Variants in ANKRA2 observed in about 807,000 individuals in gnomAD.
The protein encoded by ANKRA2 is ankyrin repeat family A member 2.
In ANKRA2, 33 loss-of-function variants were observed where a neutral mutation model predicts 37.8. The ratio of observed to expected loss-of-function variants is 0.87; its 90% CI spans 0.66 to 1.17. The LOEUF is 1.17. Ranked by LOEUF, ANKRA2 falls within the 50% of genes most tolerant of loss-of-function variation. The pLI, the probability that ANKRA2 is intolerant of heterozygous loss-of-function variation, is 0.00. For synonymous variants in ANKRA2, 126 were observed against 132.3 expected, an observed-to-expected ratio of 0.95 and a Z score of 0.33; for missense variants, 326 against 373.7, an observed-to-expected ratio of 0.87 and a Z score of 1.05.
In ANKRA2 at chr5:73,552,779, A is replaced by G. The variant is rs905928594; in HGVS notation, c.*18T>C. The G allele has an allele frequency of 5.0e-6, 8 of 1,589,430 alleles. No individual in the cohort carries two copies. Among genetic ancestry groups the G allele is most frequent in the Non-Finnish European group, 6.9e-6 (8 of 1,160,702 alleles). ...CCAAGAAGTAAACAAAAGGGCAGAC[A>G]TTTTCTGATGACTGTGTCTACTCCT... On this transcript the variant is annotated 3_prime_UTR_variant, in exon 9 of 9. Coordinates refer to ENST00000296785, the MANE Select transcript of ANKRA2 (RefSeq NM_023039.5).
intron 2 of ANKRA2, among the ~76,000 whole-genome samples, chr5:73,561,991 T>C (rs558974698): frequency 2.0e-4 from 30 of 152,200 alleles, no homozygotes; most frequent in Non-Finnish European, 3.5e-4. Context: ...CGCTAATTCA[T>C]CTCTAAAAGG....
Position 73,555,527 on chromosome 5 carries a change from T to C in ANKRA2, c.573A>G (p.Ala191=). The part of the protein sequence containing the change: ...EGFTPLMWAA[A]HGQIAVVEFL... ...ACTCTACCACAGCTATTTGCCCGTG[T>C]GCTGCAGCCCACATCAGAGGAGTAA... Residue 191 remains alanine (A), a synonymous_variant, in exon 5 of 9, where the codon GCA becomes GCG. Coordinates refer to ENST00000296785, the MANE Select transcript of ANKRA2 (RefSeq NM_023039.5). The C allele has an allele frequency of 6.2e-7, 1 of 1,614,042 alleles. No homozygotes were observed. Among genetic ancestry groups the C allele is most frequent in the Non-Finnish European group, 8.5e-7 (1 of 1,179,912 alleles).
chr5:73,559,540 T>C (rs893988294), intron 3 of ANKRA2, among the ~76,000 whole-genome samples: 1 of 152,166 alleles, frequency 6.6e-6, no homozygotes, highest in Non-Finnish European at 1.5e-5. Context: ...AAATCATTTA[T>C]TGATCAGTGA....
intron 4 of ANKRA2, among the ~76,000 whole-genome samples, chr5:73,557,196 A>G (rs952236065): frequency 1.3e-5 from 2 of 151,758 alleles, no homozygotes; most frequent in South Asian, 2.1e-4. Flanking sequence ...ACGTGCTTAT[A>G]TGGAAAGCTC....
chr5:73,563,969 G>C (rs1747630943), intron 1 of ANKRA2, among the ~76,000 whole-genome samples: 2 of 151,946 alleles, frequency 1.3e-5, no homozygotes, highest in South Asian at 4.1e-4. Flanking sequence ...CCACCTAGGA[G>C]GGGTAAAAAA....
chr5:73,560,712 A>C (rs1022307866), intron 3 of ANKRA2, among the ~76,000 whole-genome samples: 1 of 151,960 alleles, frequency 6.6e-6, no homozygotes, highest in East Asian at 1.9e-4. Context: ...TATTATAGTC[A>C]CCATTGTGTA....
rs1197531674 is a variant in ANKRA2 at position 73,554,327 on chromosome 5, A to G, written c.800T>C (p.Leu267Pro). Reference sequence around the variant, plus strand: ...CTAAATTTTTATCTGCTTACCTAAGAGCATCTTTACACATTTCACATGATT... The same window carrying G: ...CTAAATTTTTATCTGCTTACCTAAGGGCATCTTTACACATTTCACATGATT... ...HGNHVKCVKM[L>P]LESGADPTIE... The change falls in exon 7 of 9, where the codon CTC becomes CCC. Residue 267 changes from leucine (L) to proline (P), a missense_variant. Coordinates refer to ENST00000296785, the MANE Select transcript of ANKRA2 (RefSeq NM_023039.5). 3 of 1,613,368 alleles carry G rather than the reference A, an allele frequency of 1.9e-6. No homozygotes were observed. Among genetic ancestry groups the G allele is most frequent in the Non-Finnish European group, 2.5e-6 (3 of 1,179,654 alleles).
rs1291075053 is a variant in ANKRA2 at position 73,561,228 on chromosome 5, G to C, written c.350C>G (p.Pro117Arg). Residue 117 changes from proline (P) to arginine (R), a missense_variant, in exon 3 of 9, where the codon CCC (proline) becomes CGC (arginine). Around this residue, in one of 3 missense-constraint regions of ANKRA2, gnomAD observed 228 missense variants for 260.2 expected, o/e 0.88. Coordinates refer to ENST00000296785, the MANE Select transcript of ANKRA2 (RefSeq NM_023039.5). ...GGGTGAGAAATGCTTTGTTGTAGAG[G>C]GGGTGTAGACATGCCTTACTTGAAT... ...PGIQVRHVYT[P>R]STTKHFSPIK... The C allele has an allele frequency of 1.2e-6, 2 of 1,613,148 alleles. No homozygotes were observed. Among genetic ancestry groups the C allele is most frequent in the East Asian group, 4.5e-5 (2 of 44,858 alleles).
chr5:73,561,273 T>A lies in ANKRA2; in HGVS notation c.305A>T (p.His102Leu). The A allele has an allele frequency of 1.2e-6, 2 of 1,612,908 alleles. No homozygotes were observed. Among genetic ancestry groups the A allele is most frequent in the Non-Finnish European group, 1.7e-6 (2 of 1,179,146 alleles). ...SVLFKAECNI[H>L]TSPSPGIQVR... ...TTGAATTCCCGGAGAAGGAGATGTATGGATATTGCATTCAGCTAAGTGAAA... is the reference window on the plus strand; with the variant it reads ...TTGAATTCCCGGAGAAGGAGATGTAAGGATATTGCATTCAGCTAAGTGAAA... Residue 102 changes from histidine (H) to leucine (L), a missense_variant, in exon 3 of 9, where the codon CAT becomes CTT. His to Leu is a moderately conservative substitution (Grantham distance 99). Around this residue, in one of 3 missense-constraint regions of ANKRA2, gnomAD observed 228 missense variants for 260.2 expected, o/e 0.88. Transcript: ENST00000296785.
chr5:73,557,836 G>A (rs1450034255), intron 3 of ANKRA2, among the ~76,000 whole-genome samples, 196 bp from the exon 4 acceptor site: 2 of 152,186 alleles, frequency 1.3e-5, no homozygotes, highest in Non-Finnish European at 2.9e-5. Flanking sequence ...CAGCACTTTG[G>A]GAGGCAGAGG....
intron 1 of ANKRA2, among the ~76,000 whole-genome samples, chr5:73,563,335 C>A (rs1199191526): frequency 3.3e-5 from 5 of 152,212 alleles, no homozygotes. Flanking sequence ...ACTGTTTCTC[C>A]CATTTCCTAT....
chr5:73,556,893 G>A (rs1412237639), intron 4 of ANKRA2, among the ~76,000 whole-genome samples: 1 of 151,420 alleles, frequency 6.6e-6, no homozygotes, highest in Non-Finnish European at 1.5e-5. Context: ...CTAATATCCT[G>A]TATCAGTGAG....
chr5:73,552,683 C>A lies in ANKRA2; in HGVS notation c.*114G>T. ...TACTCAGAGAAATATTTATTAAAACCTACTAAAAACCAGTAAATATTGCAA... is the reference window on the plus strand; with the variant it reads ...TACTCAGAGAAATATTTATTAAAACATACTAAAAACCAGTAAATATTGCAA... On this transcript the variant is annotated 3_prime_UTR_variant, in exon 9 of 9. Coordinates refer to ENST00000296785, the MANE Select transcript of ANKRA2 (RefSeq NM_023039.5). The A allele has an allele frequency of 1.1e-6, 1 of 870,604 alleles. No homozygotes were observed. The highest frequency in any genetic ancestry group is 1.6e-5 in the South Asian group (1 of 63,480). The allele number at this position is 870,604 out of a possible 1,614,324, so 53.9% of individuals were successfully genotyped here. A position where few individuals can be genotyped will look rare whatever the true frequency, so the allele number is the denominator to read the frequency against.
chr5:73,555,719 T>C (rs1198008274), intron 4 of ANKRA2, 134 bp from the exon 5 acceptor site: 3 of 727,328 alleles, frequency 4.1e-6, no homozygotes, highest in South Asian at 3.5e-5. Context: ...TATGTTGGTG[T>C]CCTATTTATT....
intron 1 of ANKRA2, among the ~76,000 whole-genome samples, chr5:73,563,532 A>C (rs1747613066): frequency 6.6e-6 from 1 of 152,248 alleles, no homozygotes; most frequent in Non-Finnish European, 1.5e-5. Context: ...TGTGATTCCT[A>C]GACCATGAAA....
rs1257046772 is a variant in ANKRA2, at chr5:73,555,523, C to T, written c.577G>A (p.Gly193Arg). Residue 193 changes from glycine to arginine, a missense_variant, in exon 5 of 9, where the codon GGG becomes AGG. Transcript: ENST00000296785. The stretch of plus-strand genomic sequence containing the variant: ...AGGAACTCTACCACAGCTATTTGCC[C>T]GTGTGCTGCAGCCCACATCAGAGGA... ...FTPLMWAAAH[G>R]QIAVVEFLLQ... is the part of the protein sequence containing the mutation. 1.4e-5 allele frequency: 22 copies of T among 1,613,634 alleles called. No homozygotes were observed. The highest frequency in any genetic ancestry group is 1.7e-5 in the Non-Finnish European group (20 of 1,179,746).
chr5:73,555,248 G>T, intron 5 of ANKRA2: 2 of 1,237,284 alleles, frequency 1.6e-6, no homozygotes, highest in African/African-American at 1.5e-5. Flanking sequence ...CTTCAAAGCT[G>T]ACAGTACTTC....
At chr5:73,563,305 A>C (rs1217229096) in intron 1 of ANKRA2, among the ~76,000 whole-genome samples, 1 of 152,246 alleles carries the variant, frequency 6.6e-6, no homozygotes, top group East Asian at 1.9e-4. Context: ...TCCATCATTA[A>C]ATTCCAATAC....
Position 73,555,554 on chromosome 5 carries a change from T to C in ANKRA2, c.546A>G (p.Gly182=), listed in dbSNP as rs989028449. 19 of 1,613,862 alleles carry C rather than the reference T, an allele frequency of 1.2e-5. No individual in the cohort carries two copies. The highest frequency in any genetic ancestry group is 1.7e-6 in the Non-Finnish European group (2 of 1,179,974). Residue 182 remains glycine (G), a synonymous_variant, in exon 5 of 9, where the codon GGA becomes GGG. Transcript: ENST00000296785. ...ENVINHTDEE[G]FTPLMWAAAH... ...CTGCAGCCCACATCAGAGGAGTAAA[T>C]CCTTCTTCATCCGTGTGATTGATAA... is the stretch of plus-strand genomic sequence containing the variant.
Sources: gnomAD v4.1 joint callset for allele counts (sites outside exome capture counted in the v4.1 genomes callset) on GRCh38, gnomAD v4.1.1 for gene constraint, gnomAD v4.1.1 regional missense constraint, MANE v1.5 for transcripts, NCBI Gene and HGNC (gene_info 2026-07-23, HGNC 2026-07-21) for gene names.